TTI1: variants seen among roughly 807,000 people sequenced by gnomAD.
TTI1 encodes the protein TELO2-interacting protein 1 homolog.
A neutral mutation model predicts 85.4 loss-of-function variants in TTI1; 52 were observed. The observed-to-expected ratio is 0.61, with a 90% CI of 0.49 to 0.77. TTI1 has a LOEUF of 0.77. Ranked by LOEUF, TTI1 falls within the 30% of genes least tolerant of loss-of-function variation. The pLI, the probability that TTI1 is intolerant of heterozygous loss-of-function variation, is 0.00. For missense variants in TTI1, 1,173 were observed against 1,296.0 expected (o/e 0.91, Z 1.46); for synonymous variants, 512 against 503.9 (o/e 1.02, Z -0.22).
chr20:37,991,409 T>C (rs979005424), intron 7 of TTI1, among the ~76,000 whole-genome samples: 9 of 152,102 alleles, frequency 5.9e-5, no homozygotes, highest in African/African-American at 2.2e-4. Context: ...AAGAGAGGAG[T>C]TGGGGCTCTG....
intron 1 of TTI1, among the ~76,000 whole-genome samples, chr20:38,016,486 TA>T (rs1366592832): frequency 1.3e-5 from 2 of 152,168 alleles, no homozygotes; most frequent in African/African-American, 4.8e-5. Flanking sequence ...ACAAAAACCG[TA>T]ATAGAGCTAA....
chr20:38,005,083 C>G (rs1053437213), intron 3 of TTI1, among the ~76,000 whole-genome samples: 6 of 152,076 alleles, frequency 3.9e-5, no homozygotes, highest in African/African-American at 1.4e-4. Context: ...CATCAAGCTA[C>G]TATTTCCTGT....
chr20:38,025,676 A>G (rs1395458081), intron 1 of TTI1, among the ~76,000 whole-genome samples: 1 of 152,246 alleles, frequency 6.6e-6, no homozygotes, highest in African/African-American at 2.4e-5. Flanking sequence ...AAACAGTACG[A>G]TTAAAATGTA....
chr20:38,006,812 T>A (rs1310084844), intron 2 of TTI1, among the ~76,000 whole-genome samples: 1 of 152,232 alleles, frequency 6.6e-6, no homozygotes, highest in African/African-American at 2.4e-5. Context: ...GATTATATAT[T>A]TGCGTATCTA....
rs879376039 is a variant in TTI1, at chr20:38,008,978, AT to A, written c.2302+2536del. On this transcript the variant is annotated intron_variant, in intron 2 of 7. Coordinates refer to ENST00000373447, the MANE Select transcript of TTI1 (RefSeq NM_001303457.2). ...AAGGGAGACCCTCTCCCTCCACCTCATTTTTTTTTTTTTAAAAGCACTACAA... is the reference window on the plus strand; with the variant it reads ...AAGGGAGACCCTCTCCCTCCACCTCATTTTTTTTTTTTAAAAGCACTACAA... Among the ~76,000 whole-genome samples, 1,423 of 142,868 alleles carry A rather than the reference AT, an allele frequency of 1.0e-2. 6 individuals are homozygous for A. The highest frequency in any genetic ancestry group is 0.024 in the African/African-American group (955 of 39,220). 93.7% of individuals were successfully genotyped at this position (142,868 alleles called of 152,430 possible).
chr20:38,023,284 G>T lies in TTI1; in HGVS notation c.-41-9427C>A, dbSNP rs780948042. 3.9e-5 allele frequency among the ~76,000 whole-genome samples: 6 copies of T among 152,178 alleles called. No individual in the cohort carries two copies. In the South Asian group the frequency reaches 1.2e-3, roughly 32 times the overall value. ...TGTATGTACTCTTTCCACTATACCA[G>T]AGGTTCCCAACCTGGCTGTTTATCA... On this transcript the variant is annotated intron_variant, in intron 1 of 7. Transcript: ENST00000373447.
At chr20:38,007,378 C>T (rs1212279479) in intron 2 of TTI1, among the ~76,000 whole-genome samples, 2 of 152,270 alleles carry the variant, frequency 1.3e-5, no homozygotes, top group Non-Finnish European at 2.9e-5. Flanking sequence ...CACTGGGTCC[C>T]GTGGTTTTCA....
intron 1 of TTI1, among the ~76,000 whole-genome samples, chr20:38,025,762 G>C (rs1440096310): frequency 2.6e-5 from 4 of 152,024 alleles, no homozygotes; most frequent in Non-Finnish European, 1.5e-5. Flanking sequence ...AAGATATAAA[G>C]AAACAAGTGA....
rs2122582968 is a variant in TTI1 at position 38,011,960 on chromosome 20, G to A, written c.1857C>T (p.Ser619=). 6.2e-7 allele frequency: 1 copy of A among 1,614,224 alleles called. No homozygotes were observed. Among genetic ancestry groups the A allele is most frequent in the Non-Finnish European group, 8.5e-7 (1 of 1,180,052 alleles). The part of the protein sequence containing the change: ...AFSKPSPTIC[S]MNSNIWQICI... ...ATATTTGCCAGATGTTACTGTTCAT[G>A]GAGCAAATAGTGGGACTTGGCTTTG... Residue 619 remains serine, a synonymous_variant, in exon 2 of 8, where the codon TCC becomes TCT. Coordinates refer to ENST00000373447, the MANE Select transcript of TTI1 (RefSeq NM_001303457.2).
chr20:38,027,359 A>G (rs952266426), intron 1 of TTI1, among the ~76,000 whole-genome samples: 3 of 152,206 alleles, frequency 2.0e-5, no homozygotes, highest in Non-Finnish European at 4.4e-5. Flanking sequence ...AATCTGTATT[A>G]TTTTTGTTGT....
In TTI1 at chr20:37,987,071, C is replaced by CGGCCTGCTGAACTCT. The variant is rs562551107; in HGVS notation, c.3087-3447_3087-3433dup. On this transcript the variant is annotated intron_variant, in intron 7 of 7. Transcript: ENST00000373447. ...CTGTGCTCTCACTCCGAGAGGCAGG[C>CGGCCTGCTGAACTCT]GGCCTGCTGAACTCTAAACACGACA... 3.9e-4 allele frequency: 165 copies of CGGCCTGCTGAACTCT among 425,308 alleles called. 2 individuals carry two copies. The highest frequency in any genetic ancestry group is 2.7e-3 in the South Asian group (160 of 58,946). The allele number at this position is 425,308 out of a possible 1,614,324, so 26.3% of individuals were successfully genotyped here. A position where few individuals can be genotyped will look rare whatever the true frequency, so the allele number is the denominator to read the frequency against.
At chr20:38,022,339 C>A (rs2073781819) in intron 1 of TTI1, among the ~76,000 whole-genome samples, 1 of 152,150 alleles carries the variant, frequency 6.6e-6, no homozygotes, top group Admixed American at 6.5e-5. Context: ...CCTTTCCTTG[C>A]CTTTAAAATT....
rs1298812320 is a variant in TTI1, at chr20:38,006,380, T to A, written c.2320A>T (p.Thr774Ser). ...TCTTGGAGGTGCCCAAGATTACCTG[T>A]GTCTGGGAACCACTGGGCTGTAAAT... ...MAALAQWFPDTGNLGHLQEQS... is the reference protein window; with the variant it reads ...MAALAQWFPDSGNLGHLQEQS... Residue 774 changes from threonine to serine, a missense_variant, in exon 3 of 8, where the codon ACA becomes TCA. Coordinates refer to ENST00000373447, the MANE Select transcript of TTI1 (RefSeq NM_001303457.2). 5 of 1,614,188 alleles carry A rather than the reference T, an allele frequency of 3.1e-6. No homozygotes were observed. Among genetic ancestry groups the A allele is most frequent in the Non-Finnish European group, 4.2e-6 (5 of 1,180,026 alleles).
chr20:38,004,862 G>C, intron 3 of TTI1, among the ~76,000 whole-genome samples: 1 of 152,196 alleles, frequency 6.6e-6, no homozygotes, highest in African/African-American at 2.4e-5. Flanking sequence ...TGCCTCCCCT[G>C]CTTCAGCATT....
intron 3 of TTI1, among the ~76,000 whole-genome samples, chr20:38,003,486 T>C (rs1480654718): frequency 6.6e-6 from 1 of 152,112 alleles, no homozygotes; most frequent in Non-Finnish European, 1.5e-5. Flanking sequence ...CATTAATGAA[T>C]ATTTAAGATA....
At chr20:37,996,594 A>G in intron 6 of TTI1, 132 bp from the exon 7 acceptor site, 1 of 1,400,048 alleles carries the variant, frequency 7.1e-7, no homozygotes, top group Non-Finnish European at 9.9e-7. Flanking sequence ...CCCGCCAAAG[A>G]ACACATCAAG....
rs370340590 is a variant in TTI1 at position 38,012,838 on chromosome 20, C to T, written c.979G>A (p.Glu327Lys). 7.8e-5 allele frequency: 126 copies of T among 1,614,032 alleles called. No homozygotes were observed. The highest frequency in any genetic ancestry group is 1.3e-4 in the East Asian group (6 of 44,902). Residue 327 changes from glutamate (E) to lysine (K), a missense_variant, in exon 2 of 8, where the codon GAA becomes AAA. Transcript: ENST00000373447. ...LLLKCSQSLV[E>K]CAGPLLKALV... is the part of the protein sequence containing the mutation. ...GCCTTCAGAAGGGGACCAGCACATT[C>T]GACCAATGATTGACTGCACTTCAAA...
In TTI1 at chr20:38,012,053, C is replaced by G. The variant is rs377061379; in HGVS notation, c.1764G>C (p.Glu588Asp). The G allele has an allele frequency of 1.2e-6, 2 of 1,614,090 alleles. No individual in the cohort carries two copies. Among genetic ancestry groups the G allele is most frequent in the Non-Finnish European group, 1.7e-6 (2 of 1,180,038 alleles). ...ACGTGATGGCTTGGAGGCCTGGGTG[C>G]TCCATCATCAGCTCCTCTCCCATTT... ...TEEMGEELMM[E>D]HPGLQAITSG... Residue 588 changes from glutamate to aspartate, a missense_variant, in exon 2 of 8, where the codon GAG (glutamate) becomes GAC (aspartate). Transcript: ENST00000373447.
chr20:38,030,884 T>C (rs1047064597), intron 1 of TTI1, among the ~76,000 whole-genome samples: 8 of 152,208 alleles, frequency 5.3e-5, no homozygotes, highest in Non-Finnish European at 1.0e-4. Context: ...ATACAAATGC[T>C]TGCTCTTACT....
Sources: allele counts gnomAD v4.1 joint callset (sites outside exome capture counted in the v4.1 genomes callset), GRCh38; gene constraint gnomAD v4.1.1; transcripts MANE v1.5; gene names NCBI Gene and HGNC (gene_info 2026-07-23, HGNC 2026-07-21).